The following DPP6 variants were observed in gnomAD, a reference collection of about 807,000 sequenced individuals.
DPP6 encodes dipeptidyl peptidase like 6.
DPP6 carries 69 observed loss-of-function variants against 122.6 expected under a neutral mutation model. That is an observed-to-expected ratio of 0.56 (90% CI 0.46 to 0.69). The LOEUF is 0.69. Ranked by LOEUF, DPP6 falls within the 30% of genes least tolerant of loss-of-function variation. DPP6 has a pLI of 0.00. For synonymous variants in DPP6, 418 were observed against 433.1 expected, an observed-to-expected ratio of 0.97 and a Z score of 0.43; for missense variants, 928 against 1,116.9, an observed-to-expected ratio of 0.83 and a Z score of 2.41.
chr7:154,038,465 C>G (rs1799635765), intron 1 of DPP6: 1 of 21,278 alleles, frequency 4.7e-5, no homozygotes, highest in South Asian at 1.7e-3. Flanking sequence ...TTTTGAAAGG[C>G]ACTGTTGTTA....
At chr7:154,650,556 C>T (rs951645421) in intron 6 of DPP6, among the ~76,000 whole-genome samples, 24 of 152,100 alleles carry the variant, frequency 1.6e-4, no homozygotes, top group African/African-American at 5.6e-4. Flanking sequence ...GCCTTAATTC[C>T]AAAGTGAGGG....
At position 154,538,202 on chromosome 7, in the gene DPP6, A is replaced by G. The variant is rs149517203; in HGVS notation, c.458-2330A>G. ...CCGTAGAAACAAGCAGGTTTTATGT[A>G]CCTCAAATGTAGTACGGCATAATCT... On this transcript the variant is annotated intron_variant, in intron 3 of 25. Transcript: ENST00000377770. Among the ~76,000 whole-genome samples, 11 of 152,304 alleles carry G rather than the reference A, an allele frequency of 7.2e-5. No individual in the cohort carries two copies. In the East Asian group the frequency reaches 2.1e-3, roughly 29 times the overall value.
chr7:154,335,001 A>G (rs1809278537), intron 1 of DPP6, among the ~76,000 whole-genome samples: 1 of 152,188 alleles, frequency 6.6e-6, no homozygotes, highest in Non-Finnish European at 1.5e-5. Flanking sequence ...ATGTTACTTC[A>G]GGTTTCATAA....
intron 1 of DPP6, among the ~76,000 whole-genome samples, chr7:154,158,178 C>T (rs1335856641): frequency 1.3e-5 from 2 of 149,664 alleles, no homozygotes; most frequent in Non-Finnish European, 1.5e-5. Flanking sequence ...TACAATATTA[C>T]GTTCTCTTTT....
intron 7 of DPP6, among the ~76,000 whole-genome samples, chr7:154,691,459 T>C (rs528567620): frequency 1.3e-3 from 200 of 152,316 alleles, no homozygotes; most frequent in African/African-American, 4.6e-3. Flanking sequence ...GTTCCATTTA[T>C]AGTAGTAATA....
intron 1 of DPP6, among the ~76,000 whole-genome samples, chr7:154,089,328 G>T (rs1192115015): frequency 1.5e-5 from 2 of 135,182 alleles, no homozygotes; most frequent in Non-Finnish European, 3.1e-5. Context: ...CAATGCTAGG[G>T]AGGGCATTTC....
chr7:154,550,986 T>G (rs1347115573), intron 4 of DPP6, among the ~76,000 whole-genome samples: 1 of 152,124 alleles, frequency 6.6e-6, no homozygotes, highest in Non-Finnish European at 1.5e-5. Flanking sequence ...GACAGCTGGA[T>G]CCAAGTTATA....
intron 1 of DPP6, among the ~76,000 whole-genome samples, chr7:154,326,057 A>G (rs1808421053): frequency 6.6e-6 from 1 of 152,234 alleles, no homozygotes; most frequent in Non-Finnish European, 1.5e-5. Flanking sequence ...TCAGATATGT[A>G]TGACCTTACC....
intron 1 of DPP6, among the ~76,000 whole-genome samples, chr7:153,902,145 A>G (rs1227545318): frequency 1.3e-5 from 2 of 152,238 alleles, no homozygotes; most frequent in African/African-American, 4.8e-5. Flanking sequence ...ACAAGATGCT[A>G]AAAGATCACA....
At chr7:154,289,144 G>A (rs1351671610) in intron 1 of DPP6, among the ~76,000 whole-genome samples, 1 of 152,204 alleles carries the variant, frequency 6.6e-6, no homozygotes, top group Non-Finnish European at 1.5e-5. Context: ...GGGGATGCTG[G>A]TGAAGGTAAA....
chr7:154,242,151 C>T (rs1475443945), intron 1 of DPP6, among the ~76,000 whole-genome samples: 2 of 152,158 alleles, frequency 1.3e-5, no homozygotes, highest in African/African-American at 2.4e-5. Context: ...TGCATACCCC[C>T]GACTGGCACC....
At chr7:154,338,015 G>A (rs1340567792) in intron 1 of DPP6, among the ~76,000 whole-genome samples, 1 of 152,164 alleles carries the variant, frequency 6.6e-6, no homozygotes, top group Non-Finnish European at 1.5e-5. Flanking sequence ...CTCACTGAGC[G>A]TATATCTGTC....
At chr7:153,994,925 A>C (rs1461881370) in intron 1 of DPP6, among the ~76,000 whole-genome samples, 3 of 152,222 alleles carry the variant, frequency 2.0e-5, no homozygotes, top group Admixed American at 6.5e-5. Flanking sequence ...CCCTTAGGTG[A>C]AATATGCTCC....
At chr7:153,837,846 T>TG in the DPP6 span, among the ~76,000 whole-genome samples, 1 of 138,384 alleles carries the variant, frequency 7.2e-6, no homozygotes, top group South Asian at 2.5e-4. Context: ...AATTTTTTTT[T>TG]TTTTTTTTTT....
At chr7:154,666,198 T>TACACACAC (rs61051281) in intron 6 of DPP6, among the ~76,000 whole-genome samples, 1,658 of 131,746 alleles carry the variant, frequency 0.013, 33 homozygotes, top group African/African-American at 0.045. Flanking sequence ...TATATATATA[T>TACACACAC]ATACACATAT....
chr7:154,145,503 A>C (rs1004346514), intron 1 of DPP6, among the ~76,000 whole-genome samples: 1 of 152,038 alleles, frequency 6.6e-6, no homozygotes, highest in Non-Finnish European at 1.5e-5. Context: ...CTTCTGACCC[A>C]CTGGAACTGG....
At position 154,148,058 on chromosome 7, in the gene DPP6, C is replaced by T. The variant is rs184623969; in HGVS notation, c.243+94995C>T. Among the ~76,000 whole-genome samples the T allele has an allele frequency of 1.7e-3, 256 of 149,408 alleles. 3 individuals carry two copies. Among genetic ancestry groups the T allele is most frequent in the African/African-American group, 6.2e-3 (240 of 38,926 alleles). On this transcript the variant is annotated intron_variant, in intron 1 of 25. Transcript: ENST00000377770. ...ACTCCATGAATTTTAGGAGCCAGAG[C>T]GGACCGTGAAGGTGTCCTGGTAGCT...
At chr7:154,025,033 G>A (rs1416670538) in intron 1 of DPP6, among the ~76,000 whole-genome samples, 1 of 152,292 alleles carries the variant, frequency 6.6e-6, no homozygotes, top group Non-Finnish European at 1.5e-5. Flanking sequence ...TGTCCAAAAG[G>A]CCTGATTTTT....
chr7:154,868,005 C>T lies in DPP6; in HGVS notation c.1725C>T (p.Asp575=). 6.2e-7 allele frequency: 1 copy of T among 1,600,682 alleles called. No homozygotes were observed. The highest frequency in any genetic ancestry group is 8.5e-7 in the Non-Finnish European group (1 of 1,173,710). Residue 575 remains aspartate, a synonymous_variant, in exon 18 of 26, where the codon GAC becomes GAT. Transcript: ENST00000377770. ...HNTTDKKKMF[D]LETNEHVKKA... The stretch of plus-strand genomic sequence containing the variant: ...TTTCCTCTCTTTCAGAAATGTTTGA[C>T]CTAGAAACAAATGAACATGTCAAGA...
Sources: gnomAD v4.1 joint callset for allele counts (sites outside exome capture counted in the v4.1 genomes callset) on GRCh38, gnomAD v4.1.1 for gene constraint, MANE v1.5 for transcripts, NCBI Gene and HGNC (gene_info 2026-07-23, HGNC 2026-07-21) for gene names.